Variants in GRK5 observed in about 807,000 individuals in gnomAD.
The protein encoded by GRK5 is G protein-coupled receptor kinase 5.
Under a neutral mutation model 78.4 loss-of-function variants are expected in GRK5, and 40 were observed. The observed-to-expected ratio is 0.51, with a 90% CI of 0.40 to 0.66. The LOEUF is 0.66. Ranked by LOEUF, GRK5 falls within the 30% of genes least tolerant of loss-of-function variation. The pLI, the probability that GRK5 is intolerant of heterozygous loss-of-function variation, is 0.00. For missense variants in GRK5, 598 were observed against 759.9 expected, an observed-to-expected ratio of 0.79 and a Z score of 2.50; for synonymous variants, 289 against 296.8, an observed-to-expected ratio of 0.97 and a Z score of 0.27.
Position 119,275,613 on chromosome 10 carries a change from GCACACACA to G in GRK5, c.53-50876_53-50869del, listed in dbSNP as rs796867686. On this transcript the variant is annotated intron_variant, in intron 1 of 15. Transcript: ENST00000392870. ...CTCTCTCTCTCTCTCTCTCTCTCTC[GCACACACA>G]CACACACACACACACACACACACAC... Among the ~76,000 whole-genome samples the G allele has an allele frequency of 1.2e-3, 146 of 120,756 alleles. No homozygotes were observed. In the South Asian group the frequency reaches 0.014, roughly 12 times the overall value. 79.2% of individuals were successfully genotyped at this position (120,756 alleles called of 152,430 possible).
chr10:119,437,354 A>T (rs1036673783), intron 9 of GRK5, among the ~76,000 whole-genome samples: 27 of 152,134 alleles, frequency 1.8e-4, no homozygotes, highest in East Asian at 1.2e-3. Flanking sequence ...AGGGACCTGG[A>T]CATTGTAGGG....
rs1425243227 is a variant in GRK5, at chr10:119,271,871, G to A, written c.53-54645G>A. 1.3e-5 allele frequency among the ~76,000 whole-genome samples: 2 copies of A among 152,190 alleles called. No individual in the cohort carries two copies. The highest frequency in any genetic ancestry group is 2.9e-5 in the Non-Finnish European group (2 of 68,042). On this transcript the variant is annotated intron_variant, in intron 1 of 15. Transcript: ENST00000392870. The surrounding 1 kb of genome is among the most constrained non-coding windows in gnomAD (Gnocchi z 4.1). ...CATCTGTGAAGACAGCACTAACCTC[G>A]TAGGTACTCGGGAGGCTGAAGGAGT...
chr10:119,245,416 G>A (rs1425279498), intron 1 of GRK5, among the ~76,000 whole-genome samples: 5 of 152,162 alleles, frequency 3.3e-5, no homozygotes, highest in Admixed American at 6.5e-5. Context: ...AAACTGTGGC[G>A]TGTTCGTGCA....
chr10:119,353,041 T>C (rs1416085268), intron 2 of GRK5, among the ~76,000 whole-genome samples: 1 of 152,200 alleles, frequency 6.6e-6, no homozygotes, highest in Non-Finnish European at 1.5e-5. Context: ...GGAGAGTTCT[T>C]TAAAATCAGT....
chr10:119,390,681 T>G (rs1022069624), intron 3 of GRK5, among the ~76,000 whole-genome samples: 2 of 151,980 alleles, frequency 1.3e-5, no homozygotes, highest in Non-Finnish European at 2.9e-5. Context: ...GGCAACAGAG[T>G]GAGACTCCAT....
At chr10:119,314,554 C>T (rs1033584236) in intron 1 of GRK5, among the ~76,000 whole-genome samples, 5 of 152,196 alleles carry the variant, frequency 3.3e-5, no homozygotes, top group Admixed American at 6.5e-5. Context: ...TAGGAAAGTG[C>T]GGGATACACT....
chr10:119,226,756 T>C (rs539542712), intron 1 of GRK5, among the ~76,000 whole-genome samples: 1 of 152,008 alleles, frequency 6.6e-6, no homozygotes, highest in Admixed American at 6.6e-5. Context: ...GAGATGGGGT[T>C]TCACCATGTT....
At chr10:119,315,472 G>T (rs1850469986) in intron 1 of GRK5, among the ~76,000 whole-genome samples, 1 of 152,198 alleles carries the variant, frequency 6.6e-6, no homozygotes, top group African/African-American at 2.4e-5. Flanking sequence ...ATAAGCATCA[G>T]TGGAGGGGAG....
chr10:119,293,221 G>C (rs7910100), intron 1 of GRK5, among the ~76,000 whole-genome samples: 123,896 of 152,190 alleles, frequency 0.81, 50,545 homozygotes, highest in East Asian at 0.93. Context: ...CCATTTAACA[G>C]ACAAGAGACT....
At chr10:119,256,162 C>T (rs1359347177) in intron 1 of GRK5, among the ~76,000 whole-genome samples, 1 of 152,040 alleles carries the variant, frequency 6.6e-6, no homozygotes, top group Non-Finnish European at 1.5e-5. Flanking sequence ...TGCACACTGT[C>T]CCAGGAAAGC....
intron 1 of GRK5, among the ~76,000 whole-genome samples, chr10:119,283,286 A>G (rs1184073508): frequency 6.6e-6 from 1 of 152,110 alleles, no homozygotes; most frequent in African/African-American, 2.4e-5. Context: ...CTGTGATGGG[A>G]CGGGAGTGTC....
intron 1 of GRK5, among the ~76,000 whole-genome samples, chr10:119,284,626 G>T (rs529866150): frequency 6.6e-6 from 1 of 152,214 alleles, no homozygotes; most frequent in Non-Finnish European, 1.5e-5. Context: ...GGGCTTTGGC[G>T]CAGAACAGGC....
intron 4 of GRK5, among the ~76,000 whole-genome samples, chr10:119,411,690 C>T (rs556070771): frequency 3.3e-5 from 5 of 152,180 alleles, no homozygotes; most frequent in South Asian, 4.2e-4. Context: ...CTCAATTTCC[C>T]GGAAGTGCTT....
intron 1 of GRK5, among the ~76,000 whole-genome samples, chr10:119,287,299 AGAAAGGAAG>A (rs1166851589): frequency 2.2e-4 from 25 of 112,896 alleles, no homozygotes; most frequent in Admixed American, 4.8e-4. Flanking sequence ...GAAAGAGGGA[AGAAAGGAAG>A]GGAGGGAGAG....
Position 119,207,684 on chromosome 10 carries a change from G to T in GRK5, c.-234G>T. On this transcript the variant is annotated 5_prime_UTR_variant, in exon 1 of 16. Coordinates refer to ENST00000392870, the MANE Select transcript of GRK5 (RefSeq NM_005308.3). ...GGAGCGTGTTGAGGGAGGGGGGAGG[G>T]GGGACACAGAGGGAGGAAGAAGCGG... 1 of 425,676 alleles carries T rather than the reference G, an allele frequency of 2.3e-6. No homozygotes were observed. The highest frequency in any genetic ancestry group is 5.5e-5 in the Admixed American group (1 of 18,110). 26.4% of individuals were successfully genotyped at this position (425,676 alleles called of 1,614,324 possible).
chr10:119,414,100 G>T (rs1198535056), intron 4 of GRK5, among the ~76,000 whole-genome samples: 1 of 152,208 alleles, frequency 6.6e-6, no homozygotes, highest in African/African-American at 2.4e-5. Flanking sequence ...ACCCCTGGGA[G>T]CCCCTTTCTT....
At chr10:119,341,858 G>A (rs1368228731) in intron 2 of GRK5, among the ~76,000 whole-genome samples, 5 of 152,192 alleles carry the variant, frequency 3.3e-5, no homozygotes, top group Non-Finnish European at 7.4e-5. Flanking sequence ...TCCTGGAAAT[G>A]TGGACTGAGA....
At chr10:119,423,084 C>A in intron 4 of GRK5, 82 bp from the exon 5 acceptor site, 1 of 893,722 alleles carries the variant, frequency 1.1e-6, no homozygotes, top group Non-Finnish European at 1.9e-6. Flanking sequence ...GTGGCTGGTT[C>A]TTGGCCCAAC....
rs1012212306 is a variant in GRK5, at chr10:119,267,576, C to T, written c.53-58940C>T. ...GGCAAGGGGCTGGAGGCTCAGCGGA[C>T]GGGCCCTGTTTTAGGGATTGAGGAC... On this transcript the variant is annotated intron_variant, in intron 1 of 15. Transcript: ENST00000392870. This position sits in a 1 kb window ranked among gnomAD's most constrained non-coding sequence, Gnocchi z 4.1. 9.2e-5 allele frequency among the ~76,000 whole-genome samples: 14 copies of T among 152,150 alleles called. No homozygotes were observed. The highest frequency in any genetic ancestry group is 1.4e-4 in the African/African-American group (6 of 41,420).
Sources: gnomAD v4.1 joint callset for allele counts (sites outside exome capture counted in the v4.1 genomes callset) on GRCh38, gnomAD v4.1.1 for gene constraint, Gnocchi (gnomAD v3.1) non-coding constraint, MANE v1.5 for transcripts, NCBI Gene and HGNC (gene_info 2026-07-23, HGNC 2026-07-21) for gene names.